The following EFCAB13 variants were observed in gnomAD, a reference collection of about 807,000 sequenced individuals.
EFCAB13 encodes the protein EF-hand calcium-binding domain-containing protein 13.
A neutral mutation model predicts 110.2 loss-of-function variants in EFCAB13; 91 were observed. That is an observed-to-expected ratio of 0.83 (90% confidence interval 0.70 to 0.98). The LOEUF (loss-of-function observed/expected upper bound fraction) is 0.98. Among genes scored for constraint, EFCAB13 ranks in the 50% least tolerant of loss-of-function variants. The pLI is 0.00. For missense variants in EFCAB13, 968 were observed against 1,119.4 expected, an observed-to-expected ratio of 0.86 and a Z score of 1.93; for synonymous variants, 323 against 369.9, an observed-to-expected ratio of 0.87 and a Z score of 1.45.
chr17:47,404,633 G>T lies in EFCAB13; in HGVS notation c.2233G>T (p.Asp745Tyr). ...CACCCAGAAATTTTCCAATTATATT[G>T]GTAAGAGCTTTATGGTAATACTGTT... ...RDTQKFSNYIDFRKEASNLKL... is the reference protein window; with the variant it reads ...RDTQKFSNYIYFRKEASNLKL... The change falls in exon 20 of 25, where the codon GAT becomes TAT. Residue 745 changes from aspartate (D) to tyrosine (Y), a missense_variant and splice_region_variant. Transcript: ENST00000331493. 6.2e-7 allele frequency: 1 copy of T among 1,607,366 alleles called. No homozygotes were observed. Among genetic ancestry groups the T allele is most frequent in the South Asian group, 1.1e-5 (1 of 90,788 alleles).
chr17:47,421,633 G>T (rs201232001), intron 23 of EFCAB13, among the ~76,000 whole-genome samples: 9,715 of 44,374 alleles, frequency 0.22, 514 homozygotes, highest in East Asian at 0.41. Context: ...ATAAAAAAAA[G>T]AAAGAAAGAA....
chr17:47,341,961 T>C lies in EFCAB13; in HGVS notation c.232T>C (p.Ser78Pro). 1 of 1,599,414 alleles carries C rather than the reference T, an allele frequency of 6.3e-7. No individual in the cohort carries two copies. The highest frequency in any genetic ancestry group is 8.5e-7 in the Non-Finnish European group (1 of 1,172,656). Reference sequence around the variant, plus strand: ...AATCTTTTGTGGAGAAGAAAAGTCCTCTGATTTTTCAGGAGAAAAAAAAGT... The same window carrying C: ...AATCTTTTGTGGAGAAGAAAAGTCCCCTGATTTTTCAGGAGAAAAAAAAGT... The part of the protein sequence containing the change: ...SIIFCGEEKS[S>P]DFSGEKKVGR... The change falls in exon 6 of 25, where the codon TCT (serine) becomes CCT (proline). Residue 78 changes from serine (S) to proline (P), a missense_variant. By Grantham distance (74) the Ser-to-Pro change is moderately conservative. Transcript: ENST00000331493.
chr17:47,411,780 T>A (rs1167492991), intron 21 of EFCAB13, among the ~76,000 whole-genome samples: 1 of 152,044 alleles, frequency 6.6e-6, no homozygotes, highest in Non-Finnish European at 1.5e-5. Context: ...AGGGAGAAAT[T>A]GATTGAGAAA....
chr17:47,359,517 G>GTTT (rs71141905), intron 9 of EFCAB13, among the ~76,000 whole-genome samples: 24 of 127,204 alleles, frequency 1.9e-4, no homozygotes, highest in South Asian at 7.7e-4. Flanking sequence ...TGGGAATTGT[G>GTTT]TTTTTTTTTT....
At chr17:47,357,108 T>C (rs953766963) in intron 9 of EFCAB13, among the ~76,000 whole-genome samples, 10 of 152,190 alleles carry the variant, frequency 6.6e-5, no homozygotes, top group Non-Finnish European at 2.9e-5. Flanking sequence ...CCGAGTTTAT[T>C]TCCAGGCAGG....
chr17:47,328,528 T>C, intron 4 of EFCAB13, 145 bp downstream of exon 4: 1 of 651,200 alleles, frequency 1.5e-6, no homozygotes, highest in Non-Finnish European at 2.7e-6. Flanking sequence ...GATGTTTGAG[T>C]CATTTTAGTG....
chr17:47,354,066 A>G (rs1341436633), intron 9 of EFCAB13, among the ~76,000 whole-genome samples: 1 of 152,056 alleles, frequency 6.6e-6, no homozygotes, highest in Non-Finnish European at 1.5e-5. Context: ...AGAGGTTTTG[A>G]TAGGTTGTGT....
In EFCAB13 at chr17:47,440,422, G is replaced by T; in HGVS notation, c.2639-9G>T. 1.3e-6 allele frequency: 2 copies of T among 1,564,238 alleles called. No individual in the cohort carries two copies. The highest frequency in any genetic ancestry group is 8.6e-7 in the Non-Finnish European group (1 of 1,160,154). ...CTTTCTTTTAAGTAAATTATGCTTTGCCTTACAGAAAGTGGCAAGGTTAGC... is the reference window on the plus strand; with the variant it reads ...CTTTCTTTTAAGTAAATTATGCTTTTCCTTACAGAAAGTGGCAAGGTTAGC... On this transcript the variant is annotated splice_polypyrimidine_tract_variant and intron_variant, in intron 24 of 24. Transcript: ENST00000331493.
intron 9 of EFCAB13, among the ~76,000 whole-genome samples, chr17:47,350,069 C>T (rs950764384): frequency 3.9e-5 from 6 of 152,040 alleles, no homozygotes; most frequent in Middle Eastern, 3.2e-3. Context: ...CCACCGTGCC[C>T]GGCCTGATGT....
At chr17:47,413,228 AG>A (rs1484146986) in intron 22 of EFCAB13, among the ~76,000 whole-genome samples, 1 of 135,580 alleles carries the variant, frequency 7.4e-6, no homozygotes, top group African/African-American at 2.9e-5. Flanking sequence ...AATCTTTTTC[AG>A]AGGAGATCTG....
intron 10 of EFCAB13, among the ~76,000 whole-genome samples, chr17:47,366,918 G>T (rs2065549795): frequency 1.3e-5 from 2 of 152,316 alleles, no homozygotes; most frequent in South Asian, 2.1e-4. Context: ...TAAATGAAGA[G>T]CAGGTAAAAG....
At chr17:47,358,270 A>G (rs965259959) in intron 9 of EFCAB13, among the ~76,000 whole-genome samples, 14 of 152,290 alleles carry the variant, frequency 9.2e-5, no homozygotes, top group Middle Eastern at 3.4e-3. Context: ...GTCTCATAGA[A>G]ACTAGTAAAA....
In EFCAB13 at chr17:47,398,122, G is replaced by GC. The variant is rs1000388384; in HGVS notation, c.1945+2153dup. 3.3e-4 allele frequency among the ~76,000 whole-genome samples: 46 copies of GC among 137,864 alleles called. 1 individual carries two copies. The highest frequency in any genetic ancestry group is 1.2e-3 in the African/African-American group (44 of 36,504). The allele number at this position is 137,864 out of a possible 152,430, so 90.4% of individuals were successfully genotyped here. A position where few individuals can be genotyped will look rare whatever the true frequency, so the allele number is the denominator to read the frequency against. ...GTCCGGGAGGGAGGTGGGGGGGTCAGCCCCCCCCTGGCCAGCCACCCCGTC... is the reference window on the plus strand; with the variant it reads ...GTCCGGGAGGGAGGTGGGGGGGTCAGCCCCCCCCCTGGCCAGCCACCCCGTC... On this transcript the variant is annotated intron_variant, in intron 17 of 24. Transcript: ENST00000331493.
intron 4 of EFCAB13, among the ~76,000 whole-genome samples, chr17:47,331,951 AG>A (rs895517041): frequency 2.0e-5 from 3 of 152,252 alleles, no homozygotes; most frequent in Admixed American, 2.0e-4. Context: ...CATTTAGCAC[AG>A]TTTATTTATT....
rs1905316389 is a variant in EFCAB13, at chr17:47,441,116, G to A, written c.*402G>A. The stretch of plus-strand genomic sequence containing the variant: ...ATTCATTCTTTGTCCCTCTAGTTTT[G>A]CCTTTTGTGGAATATCATGTAAATG... On this transcript the variant is annotated 3_prime_UTR_variant, in exon 25 of 25. Transcript: ENST00000331493. The A allele has an allele frequency of 6.5e-6, 1 of 153,628 alleles. No homozygotes were observed. Among genetic ancestry groups the A allele is most frequent in the African/African-American group, 2.4e-5 (1 of 41,418 alleles). The allele number at this position is 153,628 out of a possible 1,614,324, so 9.5% of individuals were successfully genotyped here.
chr17:47,324,088 T>C lies in EFCAB13; in HGVS notation c.-318+14T>C, dbSNP rs2143192230. The stretch of plus-strand genomic sequence containing the variant: ...CAGCTCGGGCCGGTAGTGGGACCCT[T>C]GGGGGACAGAGGTGGGGAGGGGAGG... On this transcript the variant is annotated intron_variant, in intron 1 of 24. Transcript: ENST00000331493. 6.7e-6 allele frequency: 1 copy of C among 148,262 alleles called. No individual in the cohort carries two copies. The highest frequency in any genetic ancestry group is 2.2e-4 in the South Asian group (1 of 4,492). 9.2% of individuals were successfully genotyped at this position (148,262 alleles called of 1,614,324 possible).
chr17:47,341,854 T>A, intron 5 of EFCAB13, 67 bp from the exon 6 acceptor site: 1 of 933,350 alleles, frequency 1.1e-6, no homozygotes, highest in Non-Finnish European at 1.6e-6. Flanking sequence ...AAAATTTCCA[T>A]AATTAAAAGT....
rs558004701 is a variant in EFCAB13, at chr17:47,390,305, C to A, written c.1583-1132C>A. On this transcript the variant is annotated intron_variant, in intron 14 of 24. Transcript: ENST00000331493. ...TATTCACACACAATATACACGCATACACAACCTCTGTTTTTTTCATACACA... is the reference window on the plus strand; with the variant it reads ...TATTCACACACAATATACACGCATAAACAACCTCTGTTTTTTTCATACACA... Among the ~76,000 whole-genome samples, 377 of 149,812 alleles carry A rather than the reference C, an allele frequency of 2.5e-3. 3 individuals are homozygous for A. Among genetic ancestry groups the A allele is most frequent in the African/African-American group, 8.9e-3 (368 of 41,130 alleles).
chr17:47,420,680 C>T (rs766090743), intron 23 of EFCAB13, among the ~76,000 whole-genome samples: 5 of 59,188 alleles, frequency 8.4e-5, no homozygotes, highest in East Asian at 4.7e-4. Flanking sequence ...CCGGCCGCCC[C>T]GTCTGAGAAG....
Sources: gnomAD v4.1 joint callset for allele counts (sites outside exome capture counted in the v4.1 genomes callset) on GRCh38, gnomAD v4.1.1 for gene constraint, MANE v1.5 for transcripts, NCBI Gene and HGNC (gene_info 2026-07-23, HGNC 2026-07-21) for gene names.